Variants in FOXN3 observed in about 807,000 individuals in gnomAD.
FOXN3 encodes forkhead box protein N3.
In FOXN3, 7 loss-of-function variants were observed where a neutral mutation model predicts 38.4. The observed-to-expected ratio is 0.18, with a 90% confidence interval of 0.10 to 0.34. The LOEUF is 0.34. FOXN3 is among the 10% of genes least tolerant of loss of function. FOXN3 has a pLI of 1.00. For synonymous variants in FOXN3, 230 were observed against 242.2 expected, an observed-to-expected ratio of 0.95 and a Z score of 0.47; for missense variants, 456 against 613.4, an observed-to-expected ratio of 0.74 and a Z score of 2.71.
intron 1 of FOXN3, among the ~76,000 whole-genome samples, chr14:89,430,130 TA>T: frequency 6.6e-6 from 1 of 152,322 alleles, no homozygotes; most frequent in South Asian, 2.1e-4. Context: ...AGGCTGACCT[TA>T]AAATGAAGCC....
chr14:89,269,480 G>C (rs61983088), intron 4 of FOXN3, among the ~76,000 whole-genome samples: 4 of 26,212 alleles, frequency 1.5e-4, no homozygotes, highest in Non-Finnish European at 2.5e-4. Context: ...TTTTTGTTTT[G>C]TTTTGTTTTT....
intron 5 of FOXN3, among the ~76,000 whole-genome samples, chr14:89,177,080 G>C (rs1399502418): frequency 7.0e-6 from 1 of 142,226 alleles, no homozygotes; most frequent in Non-Finnish European, 1.5e-5. Context: ...GCACAATTTC[G>C]GCTCACTGCA....
intron 1 of FOXN3, among the ~76,000 whole-genome samples, chr14:89,544,355 A>G (rs775331479): frequency 2.6e-5 from 4 of 151,340 alleles, no homozygotes; most frequent in Non-Finnish European, 5.9e-5. Context: ...TTTTTTTAAG[A>G]CAGGGTCTTG....
rs533953490 is a variant in FOXN3, at chr14:89,319,610, T to A, written c.680+31062A>T. 1.6e-4 allele frequency among the ~76,000 whole-genome samples: 24 copies of A among 152,226 alleles called. 1 individual carries two copies. In the South Asian group the frequency reaches 4.6e-3, roughly 29 times the overall value. On this transcript the variant is annotated intron_variant, in intron 3 of 5. Transcript: ENST00000557258. ...GCCCCACTTCTAGGTCTGGGAGTGC[T>A]GAGAACCCTCCTGAAATCCAAATTT... is the stretch of plus-strand genomic sequence containing the variant.
chr14:89,595,286 C>T (rs1473142833), intron 1 of FOXN3, among the ~76,000 whole-genome samples: 3 of 151,812 alleles, frequency 2.0e-5, no homozygotes, highest in Admixed American at 2.0e-4. Flanking sequence ...GATCACGCCA[C>T]TGCACTCCAG....
chr14:89,334,026 T>TACACACAC lies in FOXN3; in HGVS notation c.680+16638_680+16645dup, dbSNP rs34061100. ...TATATATATGTATATAAATGTGGTATACACACACACACACACACACACAAA... is the reference window on the plus strand; with the variant it reads ...TATATATATGTATATAAATGTGGTATACACACACACACACACACACACACACACACAAA... On this transcript the variant is annotated intron_variant, in intron 3 of 5. Transcript: ENST00000557258. Among the ~76,000 whole-genome samples the TACACACAC allele has an allele frequency of 4.7e-5, 6 of 127,156 alleles. No individual in the cohort carries two copies. In the South Asian group the frequency reaches 8.4e-4, roughly 18 times the overall value. The allele number at this position is 127,156 out of a possible 152,430, so 83.4% of individuals were successfully genotyped here. A position where few individuals can be genotyped will look rare whatever the true frequency, so the allele number is the denominator to read the frequency against.
chr14:89,216,615 T>C (rs1240104290), intron 4 of FOXN3, among the ~76,000 whole-genome samples: 3 of 152,182 alleles, frequency 2.0e-5, no homozygotes, highest in Non-Finnish European at 4.4e-5. Flanking sequence ...TTCAAGATGG[T>C]CCAACTCTGC....
At chr14:89,183,237 T>C (rs1199016265) in intron 4 of FOXN3, among the ~76,000 whole-genome samples, 1 of 152,224 alleles carries the variant, frequency 6.6e-6, no homozygotes, top group East Asian at 1.9e-4. Context: ...TGAATTCTGA[T>C]CTAATATATC....
intron 1 of FOXN3, among the ~76,000 whole-genome samples, chr14:89,473,470 CT>C (rs1476008554): frequency 2.0e-5 from 3 of 150,932 alleles, no homozygotes; most frequent in African/African-American, 7.3e-5. Flanking sequence ...CTCAACCAAA[CT>C]TCTGTGTGGT....
chr14:89,176,440 A>C (rs1464752545), intron 5 of FOXN3, among the ~76,000 whole-genome samples: 8 of 152,344 alleles, frequency 5.3e-5, no homozygotes, highest in African/African-American at 1.9e-4. Flanking sequence ...CTGTCACACA[A>C]AAGAGAGTGG....
chr14:89,416,712 G>A (rs1452436692), intron 1 of FOXN3, among the ~76,000 whole-genome samples, 159 bp downstream of exon 1: 2 of 152,076 alleles, frequency 1.3e-5, no homozygotes, highest in Admixed American at 1.3e-4. Flanking sequence ...CGGCTCGGGG[G>A]CTCCCGGGGT....
intron 1 of FOXN3, among the ~76,000 whole-genome samples, chr14:89,445,625 A>G (rs1044519565): frequency 2.0e-5 from 3 of 152,084 alleles, no homozygotes; most frequent in African/African-American, 4.8e-5. Context: ...TCCTGGGGAA[A>G]ACTCCAGGCC....
In FOXN3 at chr14:89,479,964, C is replaced by T. The variant is rs10149884; in HGVS notation, c.-14-67474G>A. Among the ~76,000 whole-genome samples the T allele has an allele frequency of 4.4e-3, 667 of 152,302 alleles. 8 individuals carry two copies. The highest frequency in any genetic ancestry group is 0.015 in the African/African-American group (627 of 41,558). On this transcript the variant is annotated intron_variant, in intron 1 of 6. Coordinates refer to the FOXN3 transcript ENST00000345097. ...TTTAATATTTGGGCTCCATTTATGA[C>T]TCAAGCATACCTTTCCTTGGTATTA...
chr14:89,528,941 G>A (rs1220760656), intron 1 of FOXN3, among the ~76,000 whole-genome samples: 1 of 152,094 alleles, frequency 6.6e-6, no homozygotes, highest in East Asian at 1.9e-4. Flanking sequence ...TACCTTGATT[G>A]TTAGGATGAA....
intron 4 of FOXN3, among the ~76,000 whole-genome samples, chr14:89,260,948 C>A (rs1410679119): frequency 3.9e-5 from 6 of 152,180 alleles, no homozygotes; most frequent in Non-Finnish European, 2.9e-5. Context: ...TTCCACAGCT[C>A]AAAATAACCC....
intron 3 of FOXN3, among the ~76,000 whole-genome samples, chr14:89,299,909 AC>A (rs532093644): frequency 4.9e-4 from 74 of 152,328 alleles, no homozygotes; most frequent in African/African-American, 1.7e-3. Flanking sequence ...AAGAGCAAAC[AC>A]ATGGTGAGTA....
At chr14:89,536,250 T>TGTATCTAG (rs1312911461) in intron 1 of FOXN3, among the ~76,000 whole-genome samples, 1 of 152,202 alleles carries the variant, frequency 6.6e-6, no homozygotes, top group African/African-American at 2.4e-5. Context: ...GTCCTAGCTG[T>TGTATCTAG]GTATCCCTAG....
chr14:89,567,926 G>T (rs1895396891), intron 1 of FOXN3, among the ~76,000 whole-genome samples: 1 of 151,844 alleles, frequency 6.6e-6, no homozygotes, highest in Non-Finnish European at 1.5e-5. Flanking sequence ...GTTTCACCGT[G>T]TTAGCCAGGA....
chr14:89,243,605 T>A (rs1885204784), intron 4 of FOXN3, among the ~76,000 whole-genome samples: 1 of 152,208 alleles, frequency 6.6e-6, no homozygotes, highest in African/African-American at 2.4e-5. Context: ...TATGACTTCA[T>A]GAACACATAA....
Sources: allele counts gnomAD v4.1 joint callset (sites outside exome capture counted in the v4.1 genomes callset), GRCh38; gene constraint gnomAD v4.1.1; transcripts MANE v1.5; gene names NCBI Gene and HGNC (gene_info 2026-07-23, HGNC 2026-07-21).